Variants in TMEM196 observed in about 807,000 individuals in gnomAD.
The protein encoded by TMEM196 is transmembrane protein 196.
TMEM196 carries 17 observed loss-of-function variants against 20.0 expected under a neutral mutation model. The observed-to-expected ratio is 0.85, with a 90% CI of 0.58 to 1.27. The LOEUF is 1.27. Among genes scored for constraint, TMEM196 ranks in the 50% most tolerant of loss-of-function variants. TMEM196 has a pLI of 0.00. For missense variants in TMEM196, 267 were observed against 223.0 expected, an observed-to-expected ratio of 1.20 and a Z score of -1.26; for synonymous variants, 113 against 88.9, an observed-to-expected ratio of 1.27 and a Z score of -1.52.
At chr7:19,734,042 C>G (rs1784307295) in intron 1 of TMEM196, among the ~76,000 whole-genome samples, 1 of 152,088 alleles carries the variant, frequency 6.6e-6, no homozygotes, top group Admixed American at 6.5e-5. Context: ...TGAAGATGAA[C>G]AGGGGCTCAA....
chr7:19,740,704 T>C (rs1288684458), intron 1 of TMEM196, among the ~76,000 whole-genome samples: 1 of 152,046 alleles, frequency 6.6e-6, no homozygotes, highest in Non-Finnish European at 1.5e-5. Context: ...TAGCGTTTTT[T>C]CAACCACAAC....
intron 1 of TMEM196, among the ~76,000 whole-genome samples, chr7:19,771,643 T>C (rs892117351): frequency 1.1e-4 from 17 of 152,206 alleles, no homozygotes; most frequent in Admixed American, 2.0e-4. Flanking sequence ...ATGACACATA[T>C]ATAGCTTGAA....
At chr7:19,731,798 G>A (rs758527115) in intron 1 of TMEM196, among the ~76,000 whole-genome samples, 54 of 152,294 alleles carry the variant, frequency 3.5e-4, no homozygotes, top group Admixed American at 9.2e-4. Context: ...TGAATTCAAG[G>A]ATTGGGAGAG....
chr7:19,744,548 G>T (rs1219628679), intron 1 of TMEM196, among the ~76,000 whole-genome samples: 2 of 148,328 alleles, frequency 1.3e-5, no homozygotes, highest in African/African-American at 5.3e-5. Context: ...TAAAAAACAT[G>T]TGGGTTTTGG....
chr7:19,732,814 T>C (rs1784260725), intron 1 of TMEM196, among the ~76,000 whole-genome samples: 1 of 152,208 alleles, frequency 6.6e-6, no homozygotes, highest in East Asian at 1.9e-4. Flanking sequence ...TCTTATTTTA[T>C]AAAGGAATTT....
At chr7:19,733,627 C>A (rs1014385829) in intron 1 of TMEM196, among the ~76,000 whole-genome samples, 11 of 149,320 alleles carry the variant, frequency 7.4e-5, no homozygotes, top group Admixed American at 1.3e-4. Context: ...TAGATTGCCA[C>A]TCTAACTGGA....
intron 1 of TMEM196, among the ~76,000 whole-genome samples, chr7:19,752,165 G>C (rs1486539712): frequency 1.3e-5 from 2 of 152,088 alleles, no homozygotes; most frequent in African/African-American, 4.8e-5. Context: ...GTCTAGTTTT[G>C]GCTCAGCCTA....
intron 1 of TMEM196, among the ~76,000 whole-genome samples, chr7:19,756,408 G>GT (rs1438074395): frequency 6.6e-6 from 1 of 151,564 alleles, no homozygotes; most frequent in Non-Finnish European, 1.5e-5. Context: ...ACATCTGCAG[G>GT]TTTGTTATAT....
intron 1 of TMEM196, among the ~76,000 whole-genome samples, chr7:19,729,789 T>G (rs1279657564): frequency 6.6e-6 from 1 of 152,194 alleles, no homozygotes. Flanking sequence ...CATTCACACT[T>G]AACAACTAGA....
chr7:19,722,036 T>C lies in TMEM196; in HGVS notation c.*92A>G, dbSNP rs760452039. On this transcript the variant is annotated 3_prime_UTR_variant, in exon 5 of 5. Transcript: ENST00000405844. Reference sequence around the variant, plus strand: ...AGTCCTTTGGTGTCTCATTGCCTCATGAAAATCCTAAAAAGTGTTCAATTC... The same window carrying C: ...AGTCCTTTGGTGTCTCATTGCCTCACGAAAATCCTAAAAAGTGTTCAATTC... The C allele has an allele frequency of 4.7e-5, 74 of 1,570,460 alleles. No homozygotes were observed. Among genetic ancestry groups the C allele is most frequent in the Non-Finnish European group, 6.1e-5 (70 of 1,145,838 alleles).
chr7:19,748,667 T>C (rs564943541), intron 1 of TMEM196, among the ~76,000 whole-genome samples: 3 of 152,166 alleles, frequency 2.0e-5, no homozygotes, highest in Non-Finnish European at 4.4e-5. Flanking sequence ...CTAAGAATGC[T>C]GAACTCTCCA....
At chr7:19,741,098 G>T (rs1300084459) in intron 1 of TMEM196, among the ~76,000 whole-genome samples, 1 of 152,126 alleles carries the variant, frequency 6.6e-6, no homozygotes, top group Non-Finnish European at 1.5e-5. Flanking sequence ...AGAAAAAACA[G>T]ATGGATTGAA....
At chr7:19,735,704 G>A (rs1005173655) in intron 1 of TMEM196, among the ~76,000 whole-genome samples, 1 of 152,140 alleles carries the variant, frequency 6.6e-6, no homozygotes, top group African/African-American at 2.4e-5. Context: ...GGTTGAAGGA[G>A]AGCAGGCAAA....
At chr7:19,723,289 C>T (rs1783874040) in intron 4 of TMEM196, among the ~76,000 whole-genome samples, 1 of 151,798 alleles carries the variant, frequency 6.6e-6, no homozygotes, top group African/African-American at 2.4e-5. Flanking sequence ...TGATCTTCAA[C>T]AAAATTTACT....
intron 1 of TMEM196, among the ~76,000 whole-genome samples, chr7:19,734,256 A>G (rs1252815209): frequency 6.6e-6 from 1 of 151,240 alleles, no homozygotes; most frequent in Non-Finnish European, 1.5e-5. Flanking sequence ...CAAAATACTG[A>G]AAAAAAATGA....
chr7:19,725,171 A>G (rs1178770204), intron 3 of TMEM196, among the ~76,000 whole-genome samples: 2 of 152,166 alleles, frequency 1.3e-5, no homozygotes. Context: ...AATTCATGCA[A>G]TTTCTAAAAC....
chr7:19,758,609 T>A (rs1198666748), intron 1 of TMEM196, among the ~76,000 whole-genome samples: 1 of 152,254 alleles, frequency 6.6e-6, no homozygotes, highest in Non-Finnish European at 1.5e-5. Context: ...TGTGAAATGA[T>A]GAATTTAGAA....
At chr7:19,748,031 C>CAATTAATT (rs1230767532) in intron 1 of TMEM196, among the ~76,000 whole-genome samples, 2 of 151,988 alleles carry the variant, frequency 1.3e-5, no homozygotes, top group East Asian at 3.9e-4. Flanking sequence ...TTACTTCCTT[C>CAATTAATT]AATTAATTAA....
intron 1 of TMEM196, among the ~76,000 whole-genome samples, chr7:19,730,018 AG>A (rs1307132828): frequency 6.6e-6 from 1 of 152,134 alleles, no homozygotes; most frequent in Non-Finnish European, 1.5e-5. Flanking sequence ...GTACTTTGGG[AG>A]GTCATGGTGG....
Sources: gnomAD v4.1 joint callset for allele counts (sites outside exome capture counted in the v4.1 genomes callset) on GRCh38, gnomAD v4.1.1 for gene constraint, MANE v1.5 for transcripts, NCBI Gene and HGNC (gene_info 2026-07-23, HGNC 2026-07-21) for gene names.